SPTLC1: variants seen among roughly 807,000 people sequenced by gnomAD.
SPTLC1 encodes the protein serine palmitoyltransferase long chain base subunit 1.
SPTLC1 carries 55 observed loss-of-function variants against 68.9 expected under a neutral mutation model. The ratio of observed to expected loss-of-function variants is 0.80; its 90% CI spans 0.64 to 1.00. The LOEUF is 1.00. Ranked by LOEUF, SPTLC1 falls within the 50% of genes least tolerant of loss-of-function variation. SPTLC1 has a pLI of 0.00. For missense variants in SPTLC1, 449 were observed against 573.1 expected (o/e 0.78, Z 2.21); for synonymous variants, 197 against 201.6 (o/e 0.98, Z 0.19).
In SPTLC1 at chr9:92,050,993, A is replaced by G. The variant is rs144379506; in HGVS notation, c.781-926T>C. ...ATGCCCAGCTTCAGTGCTTATCTAC[A>G]CTTGAGCTGTTCCTACACTTCATCT... On this transcript the variant is annotated intron_variant, in intron 8 of 14. Transcript: ENST00000262554. The G allele has an allele frequency of 3.2e-3, 3,155 of 984,784 alleles. 2 individuals carry two copies. The highest frequency in any genetic ancestry group is 4.1e-3 in the Admixed American group (67 of 16,224). The allele number at this position is 984,784 out of a possible 1,614,324, so 61.0% of individuals were successfully genotyped here.
At chr9:92,055,093 C>T (rs1028226244) in intron 8 of SPTLC1, 1 of 308,750 alleles carries the variant, frequency 3.2e-6, no homozygotes, top group South Asian at 1.3e-4. Context: ...GGTGTGGTGG[C>T]ATGTGCCTGT....
At chr9:92,068,961 T>C (rs952336769) in intron 5 of SPTLC1, among the ~76,000 whole-genome samples, 2 of 152,184 alleles carry the variant, frequency 1.3e-5, no homozygotes, top group African/African-American at 2.4e-5. Context: ...CTTTTAACTA[T>C]GGCAGGACCC....
At chr9:92,073,452 CTT>C (rs892320853) in intron 5 of SPTLC1, among the ~76,000 whole-genome samples, 3 of 152,192 alleles carry the variant, frequency 2.0e-5, no homozygotes, top group East Asian at 1.9e-4. Context: ...TACATGATCT[CTT>C]GTTTAGTTCA....
intron 5 of SPTLC1, among the ~76,000 whole-genome samples, chr9:92,069,806 G>GC (rs1393406190): frequency 5.3e-5 from 8 of 152,138 alleles, no homozygotes. Flanking sequence ...GACAACTCAG[G>GC]CAACAGTGGT....
intron 3 of SPTLC1, among the ~76,000 whole-genome samples, chr9:92,088,345 C>T (rs1323034656): frequency 2.6e-5 from 4 of 152,216 alleles, no homozygotes; most frequent in East Asian, 1.9e-4. Context: ...GCGTCGCTCA[C>T]GCTGGGAGCT....
intron 4 of SPTLC1, 76 bp from the exon 5 acceptor site, chr9:92,080,164 C>A: frequency 8.2e-7 from 1 of 1,224,696 alleles, no homozygotes. Flanking sequence ...TATTCTTTAA[C>A]CCACAGAGCT....
intron 8 of SPTLC1, among the ~76,000 whole-genome samples, chr9:92,054,566 C>T (rs908022315): frequency 3.0e-4 from 45 of 152,094 alleles, no homozygotes; most frequent in African/African-American, 1.1e-3. Context: ...TCAAACTTTA[C>T]CCTTAAAGTA....
chr9:92,036,120 A>C (rs1833130873), intron 13 of SPTLC1, among the ~76,000 whole-genome samples: 1 of 152,234 alleles, frequency 6.6e-6, no homozygotes, highest in South Asian at 2.1e-4. Flanking sequence ...GTGATGATGC[A>C]CAGAAGCGGG....
intron 6 of SPTLC1, among the ~76,000 whole-genome samples, chr9:92,061,174 T>G (rs567278418): frequency 6.6e-6 from 1 of 152,290 alleles, no homozygotes; most frequent in South Asian, 2.1e-4. Context: ...CCATACGGAC[T>G]AATGCAAACA....
At chr9:92,097,472 C>T (rs1835572557) in intron 3 of SPTLC1, among the ~76,000 whole-genome samples, 1 of 152,118 alleles carries the variant, frequency 6.6e-6, no homozygotes, top group Admixed American at 6.5e-5. Flanking sequence ...ATGTGTGTAT[C>T]CATACACTGA....
rs199972180 is a variant in SPTLC1 at position 92,047,684 on chromosome 9, C to T, written c.913G>A (p.Ala305Thr). Residue 305 changes from alanine (A) to threonine (T), a missense_variant, in exon 10 of 15, where the codon GCC (alanine) becomes ACC (threonine). Ala to Thr is a moderately conservative substitution (Grantham distance 58). This residue lies in a region of SPTLC1 where 391 missense variants were observed against 472.1 expected (regional missense o/e 0.83). Coordinates refer to ENST00000262554, the MANE Select transcript of SPTLC1 (RefSeq NM_006415.4). ...GAAGCAAGTGCATTCTCCATGTTGG[C>T]ACTGATAAGATCAATATCATCAATC... Reference protein sequence around the residue: ...INIDDIDLISANMENALASIG... With the variant: ...INIDDIDLISTNMENALASIG... 3.3e-5 allele frequency: 54 copies of T among 1,613,070 alleles called. No individual in the cohort carries two copies. The highest frequency in any genetic ancestry group is 4.5e-5 in the Non-Finnish European group (53 of 1,179,332).
rs370967911 is a variant in SPTLC1 at position 92,050,811 on chromosome 9, A to ATTTTTTTTTTTTTTTTTTTTTTTTTTTT, written c.781-745_781-744insAAAAAAAAAAAAAAAAAAAAAAAAAAAA. 2 of 104,978 alleles carry ATTTTTTTTTTTTTTTTTTTTTTTTTTTT rather than the reference A, an allele frequency of 1.9e-5. 1 individual carries two copies. The highest frequency in any genetic ancestry group is 9.5e-5 in the African/African-American group (2 of 21,074). The allele number at this position is 104,978 out of a possible 1,614,324, so 6.5% of individuals were successfully genotyped here. On this transcript the variant is annotated intron_variant, in intron 8 of 14. Transcript: ENST00000262554. ...CTTAACAAAAGACAGCACAATACTGATTTTTTTTTTTTTTTTTTTGAGACA... is the reference window on the plus strand; with the variant it reads ...CTTAACAAAAGACAGCACAATACTGATTTTTTTTTTTTTTTTTTTTTTTTTTTTTTTTTTTTTTTTTTTTTTTGAGACA...
chr9:92,058,182 T>G (rs1015968696), intron 7 of SPTLC1, among the ~76,000 whole-genome samples: 9 of 152,162 alleles, frequency 5.9e-5, no homozygotes, highest in African/African-American at 2.2e-4. Flanking sequence ...TAGAGCAGAG[T>G]TAGTATAAAA....
At chr9:92,113,779 A>T (rs1279485911) in intron 1 of SPTLC1, among the ~76,000 whole-genome samples, 1 of 152,200 alleles carries the variant, frequency 6.6e-6, no homozygotes, top group Non-Finnish European at 1.5e-5. Flanking sequence ...CACTGTCATT[A>T]CCCCTACCAG....
intron 3 of SPTLC1, among the ~76,000 whole-genome samples, chr9:92,084,884 G>T (rs1371598359): frequency 5.9e-5 from 9 of 152,266 alleles, no homozygotes; most frequent in African/African-American, 2.2e-4. Flanking sequence ...ACTCTTTTTG[G>T]TTGGTAAGCT....
intron 3 of SPTLC1, among the ~76,000 whole-genome samples, chr9:92,098,683 T>A (rs1374423421): frequency 1.3e-5 from 2 of 150,774 alleles, no homozygotes; most frequent in South Asian, 2.1e-4. Context: ...AAATAAAAAA[T>A]TTTAAGATGT....
chr9:92,107,831 T>C (rs906912747), intron 3 of SPTLC1: 5 of 152,180 alleles, frequency 3.3e-5, no homozygotes, highest in African/African-American at 9.7e-5. Context: ...AAGTAAAGAA[T>C]AGAAGCTCCT....
intron 11 of SPTLC1, among the ~76,000 whole-genome samples, chr9:92,046,544 A>AT (rs1397366665): frequency 1.3e-5 from 2 of 152,126 alleles, no homozygotes; most frequent in African/African-American, 4.8e-5. Flanking sequence ...AGAGACACAC[A>AT]TTTTCTGGTT....
chr9:92,098,348 A>C (rs369892080), intron 3 of SPTLC1, among the ~76,000 whole-genome samples: 3 of 150,728 alleles, frequency 2.0e-5, no homozygotes, highest in Non-Finnish European at 4.4e-5. Context: ...AGCGCTCTGC[A>C]CCTTTGGCAC....
Sources: allele counts gnomAD v4.1 joint callset (sites outside exome capture counted in the v4.1 genomes callset), GRCh38; gene constraint gnomAD v4.1.1; regional missense constraint gnomAD v4.1.1; transcripts MANE v1.5; gene names NCBI Gene and HGNC (gene_info 2026-07-23, HGNC 2026-07-21).